ZNF578: variants seen among roughly 807,000 people sequenced by gnomAD.
ZNF578 encodes the protein zinc finger protein 578, also known as Putative chemokine-related protein B42.
A neutral mutation model predicts 8.3 loss-of-function variants in ZNF578; 8 were observed. That is an observed-to-expected ratio of 0.96 (90% CI 0.56 to 1.74). ZNF578 has a LOEUF of 1.74. Ranked by LOEUF, ZNF578 falls within the 40% of genes most tolerant of loss-of-function variation. The pLI is 0.00. For synonymous variants in ZNF578, 206 were observed against 232.2 expected (o/e 0.89, Z 1.03); for missense variants, 726 against 707.5 (o/e 1.03, Z -0.30).
At chr19:52,478,035 A>C (rs1390018050) in intron 2 of ZNF578, among the ~76,000 whole-genome samples, 1 of 152,198 alleles carries the variant, frequency 6.6e-6, no homozygotes, top group Non-Finnish European at 1.5e-5. Flanking sequence ...CCAGGTCTGA[A>C]TAAGGGCCAT....
chr19:52,467,614 C>G (rs1412633854), intron 2 of ZNF578, among the ~76,000 whole-genome samples: 1 of 151,122 alleles, frequency 6.6e-6, no homozygotes, highest in African/African-American at 2.4e-5. Context: ...GAGACCCCAG[C>G]TCTTAAAAAA....
intron 2 of ZNF578, among the ~76,000 whole-genome samples, chr19:52,483,242 C>G (rs2059333404): frequency 6.6e-6 from 1 of 151,942 alleles, no homozygotes. Context: ...ATGGAGAAAC[C>G]CTGTCTCTAC....
At chr19:52,494,574 G>T (rs942707908) in intron 3 of ZNF578, among the ~76,000 whole-genome samples, 3 of 152,182 alleles carry the variant, frequency 2.0e-5, no homozygotes, top group African/African-American at 7.2e-5. Context: ...GTGACATGTT[G>T]ACTTCTGTCT....
chr19:52,475,427 G>A (rs1263108943), intron 2 of ZNF578, among the ~76,000 whole-genome samples: 1 of 147,806 alleles, frequency 6.8e-6, no homozygotes, highest in Non-Finnish European at 1.5e-5. Flanking sequence ...AGTGATCTCT[G>A]CTCACTGCAA....
chr19:52,481,585 G>A (rs1442391508), intron 2 of ZNF578, among the ~76,000 whole-genome samples: 1 of 152,104 alleles, frequency 6.6e-6, no homozygotes, highest in East Asian at 1.9e-4. Context: ...GGCATCAGAG[G>A]TTAGCTTCCA....
chr19:52,467,489 A>G (rs1159830036), intron 2 of ZNF578, among the ~76,000 whole-genome samples: 1 of 152,076 alleles, frequency 6.6e-6, no homozygotes. Context: ...GGTGGCACAA[A>G]CCTGTAGTCC....
At chr19:52,488,984 A>G (rs1053948202) in intron 2 of ZNF578, among the ~76,000 whole-genome samples, 3 of 151,596 alleles carry the variant, frequency 2.0e-5, no homozygotes, top group Non-Finnish European at 4.4e-5. Flanking sequence ...AATTTCAGCT[A>G]CTCCAGAGGC....
intron 2 of ZNF578, among the ~76,000 whole-genome samples, chr19:52,465,341 G>A (rs1397457483): frequency 2.6e-5 from 4 of 152,116 alleles, no homozygotes; most frequent in Admixed American, 2.0e-4. Flanking sequence ...AGAAGCCGTG[G>A]GCTGAACAAC....
chr19:52,502,924 G>A (rs1445080123), intron 4 of ZNF578, among the ~76,000 whole-genome samples: 1 of 151,900 alleles, frequency 6.6e-6, no homozygotes, highest in Admixed American at 6.6e-5. Flanking sequence ...ATGGAGTCTC[G>A]CTCAGTCACC....
intron 2 of ZNF578, among the ~76,000 whole-genome samples, chr19:52,477,637 C>T (rs2608533): frequency 0.014 from 2,134 of 147,222 alleles, 49 homozygotes; most frequent in African/African-American, 0.049. Context: ...ACCATTGGCT[C>T]TTTTTAGACT....
In ZNF578 at chr19:52,491,414, A is replaced by G. The variant is rs4802963; in HGVS notation, c.-31A>G. 0.17 allele frequency: 28,372 copies of G among 170,534 alleles called. 2,785 individuals are homozygous for G. Among genetic ancestry groups the G allele is most frequent in the East Asian group, 0.37 (2,233 of 6,106 alleles). 10.6% of individuals were successfully genotyped at this position (170,534 alleles called of 1,614,324 possible). A position where few individuals can be genotyped will look rare whatever the true frequency, so the allele number is the denominator to read the frequency against. ...CAGTGAGCCCTGTTTTTGCCACCAC[A>G]CTCCAGCTTGGGTGAGTGAGCTACA... On this transcript the variant is annotated 5_prime_UTR_variant, in exon 3 of 6. Transcript: ENST00000421239.
intron 3 of ZNF578, among the ~76,000 whole-genome samples, chr19:52,493,968 C>A (rs2122895152): frequency 6.9e-6 from 1 of 144,956 alleles, no homozygotes; most frequent in African/African-American, 2.6e-5. Flanking sequence ...CCAGCCTGGG[C>A]AACAAGAGCA....
At chr19:52,492,380 T>G (rs1268802592) in intron 3 of ZNF578, among the ~76,000 whole-genome samples, 1 of 152,094 alleles carries the variant, frequency 6.6e-6, no homozygotes, top group Non-Finnish European at 1.5e-5. Flanking sequence ...CTCCCTTTCC[T>G]GAGCACTCAG....
Position 52,515,026 on chromosome 19 carries a change from G to A in ZNF578, c.*2872G>A, listed in dbSNP as rs576891629. ...TGCTGAGGCTGGAGTGCAATGGTGCGATCTGGTGTCACTCCAATGTCTTCC... is the reference window on the plus strand; with the variant it reads ...TGCTGAGGCTGGAGTGCAATGGTGCAATCTGGTGTCACTCCAATGTCTTCC... On this transcript the variant is annotated 3_prime_UTR_variant, in exon 6 of 6. Transcript: ENST00000421239. 2.7e-5 allele frequency among the ~76,000 whole-genome samples: 4 copies of A among 148,428 alleles called. No homozygotes were observed. The highest frequency in any genetic ancestry group is 5.9e-5 in the Non-Finnish European group (4 of 67,552).
In ZNF578 at chr19:52,510,797, C is replaced by A. The variant is rs1174953095; in HGVS notation, c.416C>A (p.Thr139Lys). ...AAAATCAAAGAGTTGATGGGTAGCA[C>A]AGACCGACATGATCAAAGGCATGCT... ...MPKIKELMGSTDRHDQRHAGN... is the reference protein window; with the variant it reads ...MPKIKELMGSKDRHDQRHAGN... Residue 139 changes from threonine (T) to lysine (K), a missense_variant, in exon 6 of 6, where the codon ACA becomes AAA. Coordinates refer to ENST00000421239, the MANE Select transcript of ZNF578 (RefSeq NM_001099694.2). 10 of 1,613,958 alleles carry A rather than the reference C, an allele frequency of 6.2e-6. No homozygotes were observed. Among genetic ancestry groups the A allele is most frequent in the Non-Finnish European group, 8.5e-6 (10 of 1,179,998 alleles).
intron 2 of ZNF578, among the ~76,000 whole-genome samples, chr19:52,484,044 G>A (rs1257239725): frequency 2.6e-5 from 4 of 152,230 alleles, no homozygotes; most frequent in East Asian, 1.9e-4. Context: ...ATTATTGGGC[G>A]TTTCTCAGAG....
At position 52,511,494 on chromosome 19, in the gene ZNF578, C is replaced by A. The variant is rs751730827; in HGVS notation, c.1113C>A (p.Tyr371Ter). 1.2e-6 allele frequency: 2 copies of A among 1,614,042 alleles called. No individual in the cohort carries two copies. Among genetic ancestry groups the A allele is most frequent in the Non-Finnish European group, 1.7e-6 (2 of 1,179,944 alleles). The change falls in exon 6 of 6, where the codon TAC (tyrosine) becomes TAA (stop). Residue 371 changes from tyrosine (Y) to a stop codon, truncating the protein, a stop_gained. Coordinates refer to ENST00000421239, the MANE Select transcript of ZNF578 (RefSeq NM_001099694.2). LOFTEE classifies it low-confidence loss of function (END_TRUNC). ...HRRLHTGIKP[Y>*]KCNECGKMFG... ...GACTTCATACTGGAATAAAACCTTA[C>A]AAGTGTAATGAGTGTGGCAAGATGT...
intron 3 of ZNF578, among the ~76,000 whole-genome samples, chr19:52,501,275 G>T (rs1268051927): frequency 6.6e-6 from 1 of 152,214 alleles, no homozygotes; most frequent in East Asian, 1.9e-4. Context: ...GGGCTGTGCT[G>T]GGCTCGCCCC....
intron 2 of ZNF578, among the ~76,000 whole-genome samples, chr19:52,482,158 G>A (rs530687161): frequency 1.7e-4 from 26 of 152,186 alleles, no homozygotes; most frequent in East Asian, 9.7e-4. Flanking sequence ...CTCAGCCTCC[G>A]GAGTAGCTGG....
Sources: allele counts gnomAD v4.1 joint callset (sites outside exome capture counted in the v4.1 genomes callset), GRCh38; gene constraint gnomAD v4.1.1; transcripts MANE v1.5; gene names NCBI Gene and HGNC (gene_info 2026-07-23, HGNC 2026-07-21).